The following GRM5 variants were observed in gnomAD, a reference collection of about 807,000 sequenced individuals.
GRM5 encodes glutamate metabotropic receptor 5.
Under a neutral mutation model 83.1 loss-of-function variants are expected in GRM5, and 19 were observed. The ratio of observed to expected loss-of-function variants is 0.23; its 90% CI spans 0.16 to 0.34. The LOEUF (loss-of-function observed/expected upper bound fraction) is 0.34, where lower values mean the gene tolerates loss of function less well. Among genes scored for constraint, GRM5 ranks in the 10% least tolerant of loss-of-function variants. The probability of loss-of-function intolerance (pLI) is 1.00; values close to 1 mark genes in which losing one functional copy is unlikely to be tolerated. For synonymous variants in GRM5, 675 were observed against 633.6 expected, an observed-to-expected ratio of 1.07 and a Z score of -0.98; for missense variants, 1,160 against 1,588.3, an observed-to-expected ratio of 0.73 and a Z score of 4.58.
At chr11:88,832,537 T>C (rs1205750531) in intron 3 of GRM5, among the ~76,000 whole-genome samples, 1 of 152,154 alleles carries the variant, frequency 6.6e-6, no homozygotes, top group Non-Finnish European at 1.5e-5. Flanking sequence ...ATGACCATAC[T>C]GCTCAAAGCA....
intron 9 of GRM5, chr11:88,523,102 C>G (rs571101669): frequency 1.3e-5 from 2 of 152,272 alleles, no homozygotes; most frequent in South Asian, 4.1e-4. Context: ...ATTGACTAAA[C>G]ACTGCTAAGA....
chr11:88,866,714 A>G (rs1254367803), intron 2 of GRM5, among the ~76,000 whole-genome samples: 1 of 151,676 alleles, frequency 6.6e-6, no homozygotes, highest in African/African-American at 2.4e-5. Flanking sequence ...TGATCTTTGG[A>G]ATTATGCTAT....
chr11:88,629,672 C>G (rs1209008148), intron 4 of GRM5, among the ~76,000 whole-genome samples: 1 of 152,280 alleles, frequency 6.6e-6, no homozygotes, highest in East Asian at 1.9e-4. Context: ...CTCCAATTGC[C>G]CTTGGATACT....
In GRM5 at chr11:89,062,391, A is replaced by G. The variant is rs189837543; in HGVS notation, c.-201+3385T>C. Reference sequence around the variant, plus strand: ...GGAAGGGCTGCACGTAGTCCTGGTCAATGCACCTTTGGCTGCTTCAAATGG... The same window carrying G: ...GGAAGGGCTGCACGTAGTCCTGGTCGATGCACCTTTGGCTGCTTCAAATGG... On this transcript the variant is annotated intron_variant, in intron 1 of 9. Transcript: ENST00000305447. Among the ~76,000 whole-genome samples, 215 of 152,304 alleles carry G rather than the reference A, an allele frequency of 1.4e-3. 1 individual carries two copies. The highest frequency in any genetic ancestry group is 4.8e-3 in the African/African-American group (198 of 41,566).
At chr11:89,042,803 A>G (rs1333180370) in intron 2 of GRM5, among the ~76,000 whole-genome samples, 1 of 152,164 alleles carries the variant, frequency 6.6e-6, no homozygotes, top group Non-Finnish European at 1.5e-5. Flanking sequence ...TTGTTATCAC[A>G]TTTTTAAGTA....
chr11:88,939,482 A>C (rs934454445), intron 2 of GRM5, among the ~76,000 whole-genome samples: 1 of 151,796 alleles, frequency 6.6e-6, no homozygotes, highest in Non-Finnish European at 1.5e-5. Context: ...TGTGTATTTT[A>C]GCTGCATATG....
chr11:88,971,861 A>T (rs1226655823), intron 2 of GRM5, among the ~76,000 whole-genome samples: 1 of 152,136 alleles, frequency 6.6e-6, no homozygotes, highest in Non-Finnish European at 1.5e-5. Context: ...CCTGGGGAAG[A>T]GTACCTGACT....
intron 3 of GRM5, among the ~76,000 whole-genome samples, chr11:88,725,905 G>T (rs1297125910): frequency 6.6e-6 from 1 of 152,126 alleles, no homozygotes; most frequent in Non-Finnish European, 1.5e-5. Context: ...AAGACCAAAG[G>T]TAGATAAATC....
intron 3 of GRM5, among the ~76,000 whole-genome samples, chr11:88,777,165 T>C (rs1942873622): frequency 6.6e-6 from 1 of 152,196 alleles, no homozygotes. Flanking sequence ...AACCTTGTCT[T>C]CTCGCTTTAT....
chr11:88,660,268 A>T (rs547395702), intron 3 of GRM5, among the ~76,000 whole-genome samples: 1 of 152,314 alleles, frequency 6.6e-6, no homozygotes, highest in African/African-American at 2.4e-5. Context: ...TGAAAATCAC[A>T]TTCCTTTCTT....
chr11:88,651,684 G>A (rs1224098118), intron 4 of GRM5, among the ~76,000 whole-genome samples: 1 of 152,064 alleles, frequency 6.6e-6, no homozygotes, highest in Non-Finnish European at 1.5e-5. Context: ...AGAGTTACAA[G>A]GATCTGAAGT....
At chr11:88,986,149 A>G (rs1939702504) in intron 2 of GRM5, among the ~76,000 whole-genome samples, 1 of 152,218 alleles carries the variant, frequency 6.6e-6, no homozygotes, top group Non-Finnish European at 1.5e-5. Context: ...CATCTCATGG[A>G]GTACTATTAG....
At chr11:88,694,743 T>C (rs939082707) in intron 3 of GRM5, among the ~76,000 whole-genome samples, 9 of 152,112 alleles carry the variant, frequency 5.9e-5, no homozygotes, top group African/African-American at 2.2e-4. Flanking sequence ...GAGAGCAATG[T>C]TATGGGTGTT....
chr11:88,614,652 A>G (rs570924168), intron 4 of GRM5, among the ~76,000 whole-genome samples: 4 of 152,302 alleles, frequency 2.6e-5, no homozygotes, highest in South Asian at 4.1e-4. Context: ...AATGGGGACA[A>G]TATTGACAAT....
chr11:88,771,820 T>A (rs1246888853), intron 3 of GRM5, among the ~76,000 whole-genome samples: 1 of 152,162 alleles, frequency 6.6e-6, no homozygotes, highest in Non-Finnish European at 1.5e-5. Flanking sequence ...AATAGCTCAA[T>A]AATTTTTATA....
At chr11:88,716,834 T>G (rs1941410606) in intron 3 of GRM5, among the ~76,000 whole-genome samples, 1 of 151,964 alleles carries the variant, frequency 6.6e-6, no homozygotes, top group African/African-American at 2.4e-5. Context: ...AACTGTCACT[T>G]AGAAAAATCA....
At chr11:89,031,533 T>C (rs892877969) in intron 2 of GRM5, among the ~76,000 whole-genome samples, 2 of 151,878 alleles carry the variant, frequency 1.3e-5, no homozygotes, top group African/African-American at 4.8e-5. Flanking sequence ...AATAACAATG[T>C]CCATAAAAAG....
chr11:88,527,938 G>A (rs903225831), intron 8 of GRM5, among the ~76,000 whole-genome samples: 3 of 152,030 alleles, frequency 2.0e-5, no homozygotes, highest in Non-Finnish European at 4.4e-5. Flanking sequence ...CCATGAGGGT[G>A]GAGGGTGGGA....
At chr11:88,959,388 C>T (rs1432213702) in intron 2 of GRM5, among the ~76,000 whole-genome samples, 6 of 151,516 alleles carry the variant, frequency 4.0e-5, no homozygotes, top group Admixed American at 1.3e-4. Context: ...ACTAATAATC[C>T]AGATTTTGTC....
Sources: gnomAD v4.1 joint callset for allele counts (sites outside exome capture counted in the v4.1 genomes callset) on GRCh38, gnomAD v4.1.1 for gene constraint, MANE v1.5 for transcripts, NCBI Gene and HGNC (gene_info 2026-07-23, HGNC 2026-07-21) for gene names.